Variants in PPA2 observed in about 807,000 individuals in gnomAD.
PPA2 encodes inorganic pyrophosphatase 2, mitochondrial.
PPA2 carries 48 observed loss-of-function variants against 49.5 expected under a neutral mutation model. That is an observed-to-expected ratio of 0.97 (90% CI 0.77 to 1.23). The LOEUF (loss-of-function observed/expected upper bound fraction) is 1.23. Ranked by LOEUF, PPA2 falls within the 50% of genes most tolerant of loss-of-function variation. PPA2 has a pLI of 0.00. For synonymous variants in PPA2, 131 were observed against 139.9 expected (o/e 0.94, Z 0.45); for missense variants, 429 against 410.1 (o/e 1.05, Z -0.40).
chr4:105,467,833 G>A (rs1375805169), intron 1 of PPA2, among the ~76,000 whole-genome samples: 1 of 152,240 alleles, frequency 6.6e-6, no homozygotes, highest in East Asian at 1.9e-4. Flanking sequence ...CAAGTTCGGT[G>A]AGGGTGGGGA....
Position 105,405,153 on chromosome 4 carries a change from G to T in PPA2, c.656-5989C>A, listed in dbSNP as rs544623883. 179 of 600,920 alleles carry T rather than the reference G, an allele frequency of 3.0e-4. 1 individual carries two copies. The African/African-American group carries it at 3.5e-3, about 12-fold the overall frequency. The allele number at this position is 600,920 out of a possible 1,614,324, so 37.2% of individuals were successfully genotyped here. A position where few individuals can be genotyped will look rare whatever the true frequency, so the allele number is the denominator to read the frequency against. On this transcript the variant is annotated intron_variant, in intron 7 of 11. Coordinates refer to ENST00000341695, the MANE Select transcript of PPA2 (RefSeq NM_176869.3). ...AATTTTTTTAGAAAAATACTAAACA[G>T]ATTTTCATTAATATTGACAGTTATT...
At chr4:105,387,226 A>C (rs577443937) in intron 9 of PPA2, among the ~76,000 whole-genome samples, 10 of 152,286 alleles carry the variant, frequency 6.6e-5, no homozygotes, top group African/African-American at 2.2e-4. Context: ...TACTCATTAC[A>C]TACTGCCACT....
chr4:105,409,369 G>A (rs1722642178), intron 7 of PPA2, among the ~76,000 whole-genome samples: 1 of 152,210 alleles, frequency 6.6e-6, no homozygotes, highest in Non-Finnish European at 1.5e-5. Context: ...CATTGCTGAG[G>A]CTTGAGTAGG....
intron 7 of PPA2, chr4:105,405,309 A>C: frequency 2.7e-6 from 2 of 749,430 alleles, no homozygotes; most frequent in Non-Finnish European, 3.3e-6. Context: ...ATACTTATTA[A>C]TAACTTTTTG....
rs547385428 is a variant in PPA2, at chr4:105,453,833, C to T, written c.223-191G>A. 80 of 410,388 alleles carry T rather than the reference C, an allele frequency of 1.9e-4. No individual in the cohort carries two copies. The South Asian group carries it at 7.5e-3, about 38-fold the overall frequency. 25.4% of individuals were successfully genotyped at this position (410,388 alleles called of 1,614,324 possible). A position where few individuals can be genotyped will look rare whatever the true frequency, so the allele number is the denominator to read the frequency against. On this transcript the variant is annotated intron_variant, in intron 2 of 11. Coordinates refer to ENST00000341695, the MANE Select transcript of PPA2 (RefSeq NM_176869.3). ...CATTTGTATCCCCAGAATAGAGCAT[C>T]AAAGTGTTTCATAAAATAAATGATC...
intron 10 of PPA2, among the ~76,000 whole-genome samples, chr4:105,378,438 A>T (rs996095682): frequency 6.6e-6 from 1 of 152,094 alleles, no homozygotes; most frequent in Admixed American, 6.5e-5. Flanking sequence ...TTAAAAACTG[A>T]ATGTTTTGTT....
intron 10 of PPA2, among the ~76,000 whole-genome samples, chr4:105,382,614 T>G (rs1208737021): frequency 6.6e-6 from 1 of 152,190 alleles, no homozygotes; most frequent in Non-Finnish European, 1.5e-5. Context: ...GATCCAACTG[T>G]TAGTCACAAA....
chr4:105,440,440 T>C (rs1724300115), intron 5 of PPA2, among the ~76,000 whole-genome samples: 1 of 151,972 alleles, frequency 6.6e-6, no homozygotes, highest in Admixed American at 6.5e-5. Context: ...TTTTTGTATT[T>C]TTAGTATAGA....
At position 105,437,987 on chromosome 4, in the gene PPA2, T is replaced by G. The variant is rs1724143014; in HGVS notation, c.491A>C (p.Asp164Ala). The G allele has an allele frequency of 6.2e-7, 1 of 1,609,604 alleles. No individual in the cohort carries two copies. ...EKDKSTNCFGDNDPIDVCEIG... is the reference protein window; with the variant it reads ...EKDKSTNCFGANDPIDVCEIG... Reference sequence around the variant, plus strand: ...TTCGCAAACATCAATAGGATCATTATCTCCAAAGCAGTTCGTGCTCTTATC... The same window carrying G: ...TTCGCAAACATCAATAGGATCATTAGCTCCAAAGCAGTTCGTGCTCTTATC... The change falls in exon 6 of 12, where the codon GAT (aspartate) becomes GCT (alanine). Residue 164 changes from aspartate to alanine, a missense_variant. Coordinates refer to ENST00000341695, the MANE Select transcript of PPA2 (RefSeq NM_176869.3).
At chr4:105,409,290 T>A (rs188825768) in intron 7 of PPA2, among the ~76,000 whole-genome samples, 2 of 152,220 alleles carry the variant, frequency 1.3e-5, no homozygotes, top group Non-Finnish European at 2.9e-5. Context: ...CGGAGCCTTG[T>A]TCACTGCTAG....
intron 7 of PPA2, among the ~76,000 whole-genome samples, chr4:105,412,965 C>G (rs1722832168): frequency 6.6e-6 from 1 of 152,126 alleles, no homozygotes; most frequent in Admixed American, 6.6e-5. Flanking sequence ...CCATTTGACC[C>G]AGAGATCCCA....
At chr4:105,379,058 G>C (rs1051628889) in intron 10 of PPA2, among the ~76,000 whole-genome samples, 2 of 152,030 alleles carry the variant, frequency 1.3e-5, no homozygotes, top group Non-Finnish European at 2.9e-5. Context: ...ACATTGGACT[G>C]AATCTATATA....
intron 5 of PPA2, among the ~76,000 whole-genome samples, chr4:105,440,861 T>A (rs754463853): frequency 1.2e-4 from 19 of 152,266 alleles, no homozygotes; most frequent in Middle Eastern, 6.8e-3. Flanking sequence ...AGTAGAAAAT[T>A]CTTAAACTCT....
chr4:105,390,629 G>A (rs956814220), intron 9 of PPA2, among the ~76,000 whole-genome samples: 2 of 152,170 alleles, frequency 1.3e-5, no homozygotes, highest in Non-Finnish European at 2.9e-5. Context: ...CATGAATGGC[G>A]ATTACTAAAA....
intron 6 of PPA2, among the ~76,000 whole-genome samples, chr4:105,427,555 A>G (rs752081348): frequency 4.9e-4 from 74 of 152,160 alleles, no homozygotes; most frequent in Non-Finnish European, 9.6e-4. Flanking sequence ...TGAAGCATAC[A>G]AAAGCTTCAA....
chr4:105,450,601 C>CTTTTTTGTTTTTTT (rs1722628555), intron 3 of PPA2, among the ~76,000 whole-genome samples: 1 of 82,678 alleles, frequency 1.2e-5, no homozygotes, highest in Non-Finnish European at 2.3e-5. Context: ...GTCTGGAATT[C>CTTTTTTGTTTTTTT]TTTTTTTTTT....
At chr4:105,469,437 T>A in intron 1 of PPA2, among the ~76,000 whole-genome samples, 1 of 152,250 alleles carries the variant, frequency 6.6e-6, no homozygotes, top group East Asian at 1.9e-4. Flanking sequence ...GAAAATTGAA[T>A]GGAATGTGAA....
chr4:105,378,571 G>A (rs949140688), intron 10 of PPA2, among the ~76,000 whole-genome samples: 15 of 151,890 alleles, frequency 9.9e-5, no homozygotes, highest in Non-Finnish European at 1.3e-4. Flanking sequence ...GCCTTTTGTA[G>A]AACAAAAATT....
intron 6 of PPA2, among the ~76,000 whole-genome samples, chr4:105,426,529 C>A (rs1202264004): frequency 1.3e-5 from 2 of 152,256 alleles, no homozygotes; most frequent in African/African-American, 4.8e-5. Context: ...ACCAGGAGAT[C>A]CCCTCCCGTG....
Sources: allele counts gnomAD v4.1 joint callset (sites outside exome capture counted in the v4.1 genomes callset), GRCh38; gene constraint gnomAD v4.1.1; transcripts MANE v1.5; gene names NCBI Gene and HGNC (gene_info 2026-07-23, HGNC 2026-07-21).